The following SYNE1 variants were observed in gnomAD, a reference collection of about 807,000 sequenced individuals.
SYNE1 encodes the protein nesprin-1.
Under a neutral mutation model 1,111.0 loss-of-function variants are expected in SYNE1, and 616 were observed. That is an observed-to-expected ratio of 0.55 (90% CI 0.52 to 0.59). The LOEUF is 0.59. Ranked by LOEUF, SYNE1 falls within the 20% of genes least tolerant of loss-of-function variation. SYNE1 has a pLI of 0.00. For synonymous variants in SYNE1, 3,855 were observed against 3,825.8 expected (o/e 1.01, Z -0.28); for missense variants, 10,006 against 10,417.0 (o/e 0.96, Z 1.72).
intron 95 of SYNE1, among the ~76,000 whole-genome samples, chr6:152,290,914 G>A (rs2094569184): frequency 1.3e-5 from 2 of 151,774 alleles, no homozygotes; most frequent in South Asian, 4.2e-4. Context: ...CTGTGTTCCA[G>A]AACTTGTAGA....
At chr6:152,375,314 T>G (rs2097260784) in intron 58 of SYNE1, among the ~76,000 whole-genome samples, 1 of 152,162 alleles carries the variant, frequency 6.6e-6, no homozygotes, top group Non-Finnish European at 1.5e-5. Context: ...TAACCAAGAA[T>G]TTAAAAAGGT....
In SYNE1 at chr6:152,381,313, T is replaced by TC; in HGVS notation, c.8701dup (p.Glu2901GlyfsTer17). On this transcript the variant is annotated frameshift_variant, in exon 56 of 146. Coordinates refer to ENST00000367255, the MANE Select transcript of SYNE1 (RefSeq NM_182961.4). LOFTEE classifies it high-confidence loss of function. ...CTGTTTCACTTCGGGAGCCAGCGAC[T>TC]CCACTCTGCTGAGACGGCTTGCACC... 1 of 1,614,142 alleles carries TC rather than the reference T, an allele frequency of 6.2e-7. No individual in the cohort carries two copies. The highest frequency in any genetic ancestry group is 8.5e-7 in the Non-Finnish European group (1 of 1,180,048).
intron 3 of SYNE1, among the ~76,000 whole-genome samples, chr6:152,604,547 A>G (rs952435522): frequency 6.6e-6 from 1 of 151,688 alleles, no homozygotes; most frequent in African/African-American, 2.4e-5. Flanking sequence ...CAAACAATCC[A>G]CCCACTCTGG....
intron 119 of SYNE1, 110 bp downstream of exon 119, chr6:152,220,732 G>C (rs2079982519): frequency 1.0e-6 from 1 of 973,966 alleles, no homozygotes; most frequent in Non-Finnish European, 1.7e-6. Flanking sequence ...AGTTATTTTT[G>C]GGTAACTGTC....
chr6:152,537,901 A>G (rs1194405740), intron 4 of SYNE1, among the ~76,000 whole-genome samples: 1 of 152,192 alleles, frequency 6.6e-6, no homozygotes, highest in Non-Finnish European at 1.5e-5. Context: ...ACTACCTATT[A>G]TTAAAGCTAT....
intron 77 of SYNE1, among the ~76,000 whole-genome samples, chr6:152,332,738 A>T (rs980025707): frequency 6.6e-6 from 1 of 152,234 alleles, no homozygotes; most frequent in Non-Finnish European, 1.5e-5. Flanking sequence ...TTTTTTGCTT[A>T]TCATTAGTAA....
chr6:152,260,024 G>A (rs149081544), intron 101 of SYNE1, among the ~76,000 whole-genome samples: 1 of 152,160 alleles, frequency 6.6e-6, no homozygotes, highest in African/African-American at 2.4e-5. Context: ...CTGGAGTGTC[G>A]GCTCCAACTG....
chr6:152,424,469 C>T (rs746664023), intron 39 of SYNE1, among the ~76,000 whole-genome samples: 7 of 152,142 alleles, frequency 4.6e-5, no homozygotes, highest in East Asian at 1.9e-4. Context: ...CAAATCTTTC[C>T]GTAAATTTCT....
intron 2 of SYNE1, among the ~76,000 whole-genome samples, chr6:152,632,941 G>C (rs1583811371): frequency 6.6e-6 from 1 of 152,206 alleles, no homozygotes; most frequent in South Asian, 2.1e-4. Flanking sequence ...GTACTCCCAA[G>C]TGTGCTCTTC....
At chr6:152,535,611 G>C (rs1317095686) in intron 4 of SYNE1, among the ~76,000 whole-genome samples, 1 of 152,062 alleles carries the variant, frequency 6.6e-6, no homozygotes, top group Non-Finnish European at 1.5e-5. Flanking sequence ...ATTGAATCAA[G>C]GGTGTTTAAA....
Position 152,247,750 on chromosome 6 carries a change from T to TATATACAC in SYNE1, c.19572+1410_19572+1411insGTGTATAT, listed in dbSNP as rs1432898834. Among the ~76,000 whole-genome samples, 611 of 112,320 alleles carry TATATACAC rather than the reference T, an allele frequency of 5.4e-3. 2 individuals carry two copies. The highest frequency in any genetic ancestry group is 0.015 in the African/African-American group (411 of 27,940). The allele number at this position is 112,320 out of a possible 152,430, so 73.7% of individuals were successfully genotyped here. On this transcript the variant is annotated intron_variant, in intron 105 of 145. Transcript: ENST00000367255. ...TATTATATATATATATATATATATA[T>TATATACAC]ACACACACACACACACACACACACA...
intron 11 of SYNE1, among the ~76,000 whole-genome samples, chr6:152,491,563 C>T (rs1043167340): frequency 1.3e-5 from 2 of 152,288 alleles, no homozygotes; most frequent in East Asian, 3.9e-4. Context: ...CACTGCTTGG[C>T]CCCAATACAA....
chr6:152,465,344 C>T lies in SYNE1; in HGVS notation c.1846G>A (p.Asp616Asn). 5 of 1,613,846 alleles carry T rather than the reference C, an allele frequency of 3.1e-6. No individual in the cohort carries two copies. The highest frequency in any genetic ancestry group is 4.2e-6 in the Non-Finnish European group (5 of 1,179,814). The stretch of plus-strand genomic sequence containing the variant: ...CTAGCCACTGTATTGCCATAGCGAT[C>T]CCAGTTAGAGATCACTTCTTCCAGC... ...SMLEEVISNWDRYGNTVASLQ... is the reference protein window; with the variant it reads ...SMLEEVISNWNRYGNTVASLQ... Residue 616 changes from aspartate (D) to asparagine (N), a missense_variant, in exon 18 of 146, where the codon GAT becomes AAT. Around this residue, in one of 7 missense-constraint regions of SYNE1, gnomAD observed 1,971 missense variants for 2,084.1 expected, o/e 0.95. Transcript: ENST00000367255.
chr6:152,477,262 C>T (rs1346697400), intron 14 of SYNE1, among the ~76,000 whole-genome samples: 1 of 151,308 alleles, frequency 6.6e-6, no homozygotes, highest in African/African-American at 2.4e-5. Context: ...AAACTGGTAA[C>T]AGTTGAGATG....
chr6:152,339,393 A>G, intron 74 of SYNE1, 27 bp from the exon 75 acceptor site: 1 of 1,612,138 alleles, frequency 6.2e-7, no homozygotes, highest in Non-Finnish European at 8.5e-7. Flanking sequence ...TCAGAGTGAA[A>G]GAGATGCATC....
At chr6:152,348,181 T>A (rs917579064) in intron 72 of SYNE1, among the ~76,000 whole-genome samples, 3 of 152,152 alleles carry the variant, frequency 2.0e-5, no homozygotes, top group Non-Finnish European at 4.4e-5. Flanking sequence ...GTCCAGGAAT[T>A]ATATATAAGC....
At chr6:152,234,531 G>C in intron 111 of SYNE1, 137 bp downstream of exon 111, 1 of 970,906 alleles carries the variant, frequency 1.0e-6, no homozygotes, top group South Asian at 1.3e-5. Flanking sequence ...CTGACCTCGT[G>C]ATCTGACTGC....
At chr6:152,282,050 C>A (rs1254424870) in intron 96 of SYNE1, 70 bp from the exon 97 acceptor site, 1 of 1,518,498 alleles carries the variant, frequency 6.6e-7, no homozygotes, top group African/African-American at 1.4e-5. Flanking sequence ...CACAGTAAAG[C>A]AATGGTTCCA....
rs913692252 is a variant in SYNE1 at position 152,450,515 on chromosome 6, A to G, written c.3395+110T>C. On this transcript the variant is annotated intron_variant, in intron 27 of 145. Coordinates refer to ENST00000367255, the MANE Select transcript of SYNE1 (RefSeq NM_182961.4). ...TTATTAAATGAAGGATTTTTGTACG[A>G]GAACATGAGCAAGAAATATGAAATA... is the stretch of plus-strand genomic sequence containing the variant. The G allele has an allele frequency of 6.5e-6, 7 of 1,071,882 alleles. No homozygotes were observed. In the African/African-American group the frequency reaches 1.1e-4, roughly 17 times the overall value. The allele number at this position is 1,071,882 out of a possible 1,614,324, so 66.4% of individuals were successfully genotyped here.
Sources: allele counts gnomAD v4.1 joint callset (sites outside exome capture counted in the v4.1 genomes callset), GRCh38; gene constraint gnomAD v4.1.1; regional missense constraint gnomAD v4.1.1; transcripts MANE v1.5; gene names NCBI Gene and HGNC (gene_info 2026-07-23, HGNC 2026-07-21).